The following TMEM185B variants were observed in gnomAD, a reference collection of about 807,000 sequenced individuals.
TMEM185B encodes the protein ee3_2.
TMEM185B carries 9 observed loss-of-function variants against 26.2 expected under a neutral mutation model. The observed-to-expected ratio is 0.34, with a 90% CI of 0.21 to 0.60. The LOEUF (loss-of-function observed/expected upper bound fraction) is 0.60, where lower values mean the gene tolerates loss of function less well. TMEM185B is among the 20% of genes least tolerant of loss of function. The pLI is 0.80. For missense variants in TMEM185B, 392 were observed against 447.9 expected, an observed-to-expected ratio of 0.88 and a Z score of 1.13; for synonymous variants, 204 against 191.8, an observed-to-expected ratio of 1.06 and a Z score of -0.52.
In TMEM185B at chr2:120,221,920, G is replaced by C; in HGVS notation, c.*4C>G. On this transcript the variant is annotated 3_prime_UTR_variant, in exon 1 of 1. Coordinates refer to ENST00000426077, the MANE Select transcript of TMEM185B (RefSeq NM_024121.3). ...CTGTGTGTGCCTGGGTCCTCTCTAG[G>C]AGTTTAATCTGGCATATCAATATTT... 1 of 1,522,624 alleles carries C rather than the reference G, an allele frequency of 6.6e-7. No homozygotes were observed. The highest frequency in any genetic ancestry group is 8.8e-7 in the Non-Finnish European group (1 of 1,140,884). 94.3% of individuals were successfully genotyped at this position (1,522,624 alleles called of 1,614,324 possible). A position where few individuals can be genotyped will look rare whatever the true frequency, so the allele number is the denominator to read the frequency against.
rs898287727 is a variant in TMEM185B, at chr2:120,218,685, C to T, written c.*3239G>A. Among the ~76,000 whole-genome samples the T allele has an allele frequency of 3.8e-5, 5 of 131,390 alleles. No homozygotes were observed. The highest frequency in any genetic ancestry group is 1.3e-4 in the African/African-American group (5 of 39,994). 86.2% of individuals were successfully genotyped at this position (131,390 alleles called of 152,430 possible). A position where few individuals can be genotyped will look rare whatever the true frequency, so the allele number is the denominator to read the frequency against. ...GTGGAGTACTCCGGCCTCACCACTG[C>T]TAACTGAGGGGCTGGAATGCAGGGT... On this transcript the variant is annotated 3_prime_UTR_variant, in exon 1 of 1. Transcript: ENST00000426077.
rs1471802280 is a variant in TMEM185B at position 120,218,310 on chromosome 2, T to G, written c.*3614A>C. On this transcript the variant is annotated 3_prime_UTR_variant, in exon 1 of 1. Coordinates refer to ENST00000426077, the MANE Select transcript of TMEM185B (RefSeq NM_024121.3). Reference sequence around the variant, plus strand: ...GGGGTGCAGCTGGAGGCTCCCTTTTTGTGGGTGTCATGCTGTCAGTGGTGG... The same window carrying G: ...GGGGTGCAGCTGGAGGCTCCCTTTTGGTGGGTGTCATGCTGTCAGTGGTGG... Among the ~76,000 whole-genome samples, 1 of 152,200 alleles carries G rather than the reference T, an allele frequency of 6.6e-6. No homozygotes were observed. The highest frequency in any genetic ancestry group is 1.9e-4 in the East Asian group (1 of 5,184).
chr2:120,221,873 A>G lies in TMEM185B; in HGVS notation c.*51T>C. ...TTTCCAGGTTTGGGATGAATGAACA[A>G]GAGGCGAAGGCCAAGTGGAGTCTGT... On this transcript the variant is annotated 3_prime_UTR_variant, in exon 1 of 1. Transcript: ENST00000426077. 7.2e-7 allele frequency: 1 copy of G among 1,390,196 alleles called. No homozygotes were observed. The allele number at this position is 1,390,196 out of a possible 1,614,324, so 86.1% of individuals were successfully genotyped here.
At position 120,221,302 on chromosome 2, in the gene TMEM185B, C is replaced by T. The variant is rs1688582977; in HGVS notation, c.*622G>A. On this transcript the variant is annotated 3_prime_UTR_variant, in exon 1 of 1. Coordinates refer to ENST00000426077, the MANE Select transcript of TMEM185B (RefSeq NM_024121.3). ...ACCTAAGCTTTAAAAAATACTTTAA[C>T]GTAATAATGGTAATGCAGAGAACTA... 6.6e-6 allele frequency: 1 copy of T among 152,196 alleles called. No homozygotes were observed. The highest frequency in any genetic ancestry group is 1.5e-5 in the Non-Finnish European group (1 of 68,052). The allele number at this position is 152,196 out of a possible 1,614,324, so 9.4% of individuals were successfully genotyped here.
At position 120,223,094 on chromosome 2, in the gene TMEM185B, C is replaced by CA; in HGVS notation, c.-119_-118insT. The CA allele has an allele frequency of 1.4e-6, 1 of 715,060 alleles. No homozygotes were observed. The highest frequency in any genetic ancestry group is 2.0e-6 in the Non-Finnish European group (1 of 510,974). 44.3% of individuals were successfully genotyped at this position (715,060 alleles called of 1,614,324 possible). ...CCCGCCCAAGCCGGCTCCGCGTGGA[C>CA]GAATGCCGGGACGACCAGGAGGAGG... On this transcript the variant is annotated 5_prime_UTR_variant, in exon 1 of 1. Coordinates refer to ENST00000426077, the MANE Select transcript of TMEM185B (RefSeq NM_024121.3).
At position 120,222,689 on chromosome 2, in the gene TMEM185B, C is replaced by T. The variant is rs1349238217; in HGVS notation, c.288G>A (p.Met96Ile). 1.3e-6 allele frequency: 2 copies of T among 1,536,560 alleles called. No homozygotes were observed. Residue 96 changes from methionine (M) to isoleucine (I), a missense_variant, in exon 1 of 1, where the codon ATG (methionine) becomes ATA (isoleucine). Physicochemically the swap from Met to Ile is conservative, Grantham distance 10 (BLOSUM62 1). This residue lies in a region of TMEM185B where 175 missense variants were observed against 169.1 expected (regional missense o/e 1.03). Transcript: ENST00000426077. ...IAVGIHLLLLMFEVLVCDRVE... is the reference protein window; with the variant it reads ...IAVGIHLLLLIFEVLVCDRVE... The stretch of plus-strand genomic sequence containing the variant: ...CCCTGTCGCAGACCAGGACTTCGAA[C>T]ATGAGCAGCAGCAGGTGGATGCCCA...
rs1468907852 is a variant in TMEM185B at position 120,222,665 on chromosome 2, C to G, written c.312G>C (p.Arg104Ser). Reference protein sequence around the residue: ...LLMFEVLVCDRVERGTHFWLL... With the variant: ...LLMFEVLVCDSVERGTHFWLL... ...GCCAGAAGTGGGTGCCCCTCTCCAC[C>G]CTGTCGCAGACCAGGACTTCGAACA... Residue 104 changes from arginine (R) to serine (S), a missense_variant, in exon 1 of 1, where the codon AGG becomes AGC. Coordinates refer to ENST00000426077, the MANE Select transcript of TMEM185B (RefSeq NM_024121.3). The G allele has an allele frequency of 6.5e-7, 1 of 1,536,406 alleles. No individual in the cohort carries two copies. The highest frequency in any genetic ancestry group is 1.4e-5 in the African/African-American group (1 of 73,060).
At position 120,222,415 on chromosome 2, in the gene TMEM185B, A is replaced by G. The variant is rs1201583019; in HGVS notation, c.562T>C (p.Tyr188His). The G allele has an allele frequency of 6.5e-7, 1 of 1,536,124 alleles. No individual in the cohort carries two copies. Among genetic ancestry groups the G allele is most frequent in the Non-Finnish European group, 8.7e-7 (1 of 1,146,930 alleles). The change falls in exon 1 of 1, where the codon TAT (tyrosine) becomes CAT (histidine). Residue 188 changes from tyrosine to histidine, a missense_variant. Tyr to His is a moderately conservative substitution (Grantham distance 83). Around this residue, in one of 3 missense-constraint regions of TMEM185B, gnomAD observed 176 missense variants for 201.6 expected, o/e 0.87. Transcript: ENST00000426077. The stretch of plus-strand genomic sequence containing the variant: ...AACAGGAGGGACCAGACGATGTAAT[A>G]GAGGACGACCAGGCAAAGGAACGAC... ...LMSFLCLVVL[Y>H]YIVWSLLFLR... is the part of the protein sequence containing the mutation.
rs1479097630 is a variant in TMEM185B, at chr2:120,218,588, G to A, written c.*3336C>T. On this transcript the variant is annotated 3_prime_UTR_variant, in exon 1 of 1. Coordinates refer to ENST00000426077, the MANE Select transcript of TMEM185B (RefSeq NM_024121.3). ...GCTGGGCTCCCTGCGCCCAGGCTTC[G>A]CCTTTCCAAAGCGCCTTGCATAGCC... Among the ~76,000 whole-genome samples the A allele has an allele frequency of 1.3e-5, 2 of 152,222 alleles. No homozygotes were observed.
In TMEM185B at chr2:120,219,315, G is replaced by A. The variant is rs1441751242; in HGVS notation, c.*2609C>T. On this transcript the variant is annotated 3_prime_UTR_variant, in exon 1 of 1. Transcript: ENST00000426077. The stretch of plus-strand genomic sequence containing the variant: ...AGTTAGGTAAATCCCAGGCACTGAA[G>A]TGCTCGCAGCCTCACAGATCGAACG... Among the ~76,000 whole-genome samples the A allele has an allele frequency of 6.6e-6, 1 of 152,212 alleles. No individual in the cohort carries two copies. Among genetic ancestry groups the A allele is most frequent in the Non-Finnish European group, 1.5e-5 (1 of 68,036 alleles).
chr2:120,220,453 G>T lies in TMEM185B; in HGVS notation c.*1471C>A, dbSNP rs1354244092. ...CACCTAAAGAAACACTGTACCTGCC[G>T]GGTGCAGTGGTTCCCGCCTGTAATC... On this transcript the variant is annotated 3_prime_UTR_variant, in exon 1 of 1. Coordinates refer to ENST00000426077, the MANE Select transcript of TMEM185B (RefSeq NM_024121.3). Among the ~76,000 whole-genome samples, 4 of 152,198 alleles carry T rather than the reference G, an allele frequency of 2.6e-5. No homozygotes were observed. Among genetic ancestry groups the T allele is most frequent in the Admixed American group, 6.5e-5 (1 of 15,276 alleles).
At position 120,219,340 on chromosome 2, in the gene TMEM185B, G is replaced by C. The variant is rs148112844; in HGVS notation, c.*2584C>G. Among the ~76,000 whole-genome samples the C allele has an allele frequency of 6.6e-6, 1 of 152,208 alleles. No individual in the cohort carries two copies. Among genetic ancestry groups the C allele is most frequent in the Middle Eastern group, 3.2e-3 (1 of 316 alleles). On this transcript the variant is annotated 3_prime_UTR_variant, in exon 1 of 1. Transcript: ENST00000426077. The stretch of plus-strand genomic sequence containing the variant: ...GTGCTCGCAGCCTCACAGATCGAAC[G>C]ACTTCCTACAACCTGTCACTTCTGT...
Position 120,220,566 on chromosome 2 carries a change from A to G in TMEM185B, c.*1358T>C, listed in dbSNP as rs1688569826. On this transcript the variant is annotated 3_prime_UTR_variant, in exon 1 of 1. Transcript: ENST00000426077. Reference sequence around the variant, plus strand: ...ACCAACATGGAGAAACCCTGTCTCTATTAAAAATACGAAATTAGCCAGGCG... The same window carrying G: ...ACCAACATGGAGAAACCCTGTCTCTGTTAAAAATACGAAATTAGCCAGGCG... Among the ~76,000 whole-genome samples the G allele has an allele frequency of 6.6e-6, 1 of 152,202 alleles. No homozygotes were observed. Among genetic ancestry groups the G allele is most frequent in the Non-Finnish European group, 1.5e-5 (1 of 68,038 alleles).
In TMEM185B at chr2:120,223,323, C is replaced by G. The variant is rs181756603; in HGVS notation, c.-347G>C. On this transcript the variant is annotated 5_prime_UTR_variant, in exon 1 of 1. Transcript: ENST00000426077. Reference sequence around the variant, plus strand: ...GCGTGTGGGGCCCGAAGGGGCCTGGCGCGCTGCTGACTCCCCAAGCGGCCC... The same window carrying G: ...GCGTGTGGGGCCCGAAGGGGCCTGGGGCGCTGCTGACTCCCCAAGCGGCCC... The G allele has an allele frequency of 2.4e-3, 435 of 177,680 alleles. 1 individual carries two copies. The highest frequency in any genetic ancestry group is 3.8e-3 in the Admixed American group (60 of 15,934). The allele number at this position is 177,680 out of a possible 1,614,324, so 11.0% of individuals were successfully genotyped here.
chr2:120,220,072 T>C lies in TMEM185B; in HGVS notation c.*1852A>G, dbSNP rs1233684174. Among the ~76,000 whole-genome samples, 1 of 152,238 alleles carries C rather than the reference T, an allele frequency of 6.6e-6. No homozygotes were observed. Among genetic ancestry groups the C allele is most frequent in the Non-Finnish European group, 1.5e-5 (1 of 68,044 alleles). On this transcript the variant is annotated 3_prime_UTR_variant, in exon 1 of 1. Transcript: ENST00000426077. ...AATCCCAGCCAACTAAGCCCAGCTG[T>C]AGCTCCCTCAGGCATTCTGGCACTC...
Position 120,221,764 on chromosome 2 carries a change from T to C in TMEM185B, c.*160A>G. The C allele has an allele frequency of 1.5e-6, 1 of 667,042 alleles. No individual in the cohort carries two copies. The highest frequency in any genetic ancestry group is 2.5e-6 in the Non-Finnish European group (1 of 401,726). The allele number at this position is 667,042 out of a possible 1,614,324, so 41.3% of individuals were successfully genotyped here. Reference sequence around the variant, plus strand: ...GTACACATCACACACACCCACATACTGAAACCACCTCCATCTATGATGCAT... The same window carrying C: ...GTACACATCACACACACCCACATACCGAAACCACCTCCATCTATGATGCAT... On this transcript the variant is annotated 3_prime_UTR_variant, in exon 1 of 1. Coordinates refer to ENST00000426077, the MANE Select transcript of TMEM185B (RefSeq NM_024121.3).
Position 120,221,612 on chromosome 2 carries a change from T to C in TMEM185B, c.*312A>G, listed in dbSNP as rs775515976. ...AATACTTTTTAAACAATAGTTTTGA[T>C]AGGTACAGTAGCATTTAAACAAACA... On this transcript the variant is annotated 3_prime_UTR_variant, in exon 1 of 1. Transcript: ENST00000426077. 1 of 292,120 alleles carries C rather than the reference T, an allele frequency of 3.4e-6. No homozygotes were observed. 18.1% of individuals were successfully genotyped at this position (292,120 alleles called of 1,614,324 possible). A position where few individuals can be genotyped will look rare whatever the true frequency, so the allele number is the denominator to read the frequency against.
In TMEM185B at chr2:120,222,381, G is replaced by T; in HGVS notation, c.596C>A (p.Ser199Tyr). The T allele has an allele frequency of 6.5e-7, 1 of 1,536,196 alleles. No homozygotes were observed. The highest frequency in any genetic ancestry group is 8.7e-7 in the Non-Finnish European group (1 of 1,146,928). Residue 199 changes from serine (S) to tyrosine (Y), a missense_variant, in exon 1 of 1, where the codon TCC (serine) becomes TAC (tyrosine). By Grantham distance (144) the Ser-to-Tyr change is moderately radical (BLOSUM62 -2). Transcript: ENST00000426077. ...CCGCTGCTCGGCAACCACATCCAGG[G>T]ACCGCAGGAACAGGAGGGACCAGAC... The part of the protein sequence containing the change: ...YIVWSLLFLR[S>Y]LDVVAEQRRT...
At position 120,218,795 on chromosome 2, in the gene TMEM185B, G is replaced by A. The variant is rs933175492; in HGVS notation, c.*3129C>T. On this transcript the variant is annotated 3_prime_UTR_variant, in exon 1 of 1. Coordinates refer to ENST00000426077, the MANE Select transcript of TMEM185B (RefSeq NM_024121.3). ...ATTTCAGGATATTCGTAAAGCACAC[G>A]GGAAACAAATCATGGATGATCTGCC... Among the ~76,000 whole-genome samples, 3 of 152,228 alleles carry A rather than the reference G, an allele frequency of 2.0e-5. No homozygotes were observed. The highest frequency in any genetic ancestry group is 2.4e-5 in the African/African-American group (1 of 41,462).
Sources: gnomAD v4.1 joint callset for allele counts (sites outside exome capture counted in the v4.1 genomes callset) on GRCh38, gnomAD v4.1.1 for gene constraint, gnomAD v4.1.1 regional missense constraint, MANE v1.5 for transcripts, NCBI Gene and HGNC (gene_info 2026-07-23, HGNC 2026-07-21) for gene names.